The following COL5A3 variants were observed in gnomAD, a reference collection of about 807,000 sequenced individuals.
The protein encoded by COL5A3 is collagen alpha-3(V) chain.
A neutral mutation model predicts 250.0 loss-of-function variants in COL5A3; 172 were observed. The ratio of observed to expected loss-of-function variants is 0.69; its 90% CI spans 0.61 to 0.78. The LOEUF (loss-of-function observed/expected upper bound fraction) is 0.78, where lower values mean the gene tolerates loss of function less well. Among genes scored for constraint, COL5A3 ranks in the 30% least tolerant of loss-of-function variants. The pLI, the probability that COL5A3 is intolerant of heterozygous loss-of-function variation, is 0.00. For synonymous variants in COL5A3, 937 were observed against 900.4 expected (o/e 1.04, Z -0.73); for missense variants, 2,340 against 2,334.4 (o/e 1.00, Z -0.05).
At chr19:9,991,376 G>C (rs748797901) in intron 24 of COL5A3, among the ~76,000 whole-genome samples, 2 of 152,196 alleles carry the variant, frequency 1.3e-5, no homozygotes, top group Admixed American at 6.5e-5. Flanking sequence ...GGCTTCTGTG[G>C]GCTCTCTGTA....
At chr19:9,970,151 T>C (rs1176504408) in intron 54 of COL5A3, among the ~76,000 whole-genome samples, 1 of 27,774 alleles carries the variant, frequency 3.6e-5, no homozygotes, top group Non-Finnish European at 6.4e-5. Context: ...TGTGGGTGAG[T>C]GGGGTCTGTG....
Position 9,959,881 on chromosome 19 carries a change from CAGTCAAGGGA to C in COL5A3, c.*520_*529del, listed in dbSNP as rs928729306. Reference sequence around the variant, plus strand: ...CTGAGGCAGGAAAAGAAACACAACCCAGTCAAGGGAAGTCCCTCTTCCCTCTGTAGTCCGA... The same window carrying C: ...CTGAGGCAGGAAAAGAAACACAACCCAGTCCCTCTTCCCTCTGTAGTCCGA... On this transcript the variant is annotated 3_prime_UTR_variant, in exon 67 of 67. Coordinates refer to ENST00000264828, the MANE Select transcript of COL5A3 (RefSeq NM_015719.4). 4 of 154,638 alleles carry C rather than the reference CAGTCAAGGGA, an allele frequency of 2.6e-5. No homozygotes were observed. Among genetic ancestry groups the C allele is most frequent in the African/African-American group, 7.2e-5 (3 of 41,476 alleles). 9.6% of individuals were successfully genotyped at this position (154,638 alleles called of 1,614,324 possible). A position where few individuals can be genotyped will look rare whatever the true frequency, so the allele number is the denominator to read the frequency against.
At chr19:9,993,865 A>G (rs113042958) in intron 16 of COL5A3, 59 bp from the exon 17 acceptor site, 48 of 1,457,220 alleles carry the variant, frequency 3.3e-5, no homozygotes, top group African/African-American at 3.3e-4. Context: ...CCTCCACCAA[A>G]TTAGGAACCC....
chr19:9,970,761 C>A, intron 53 of COL5A3, 86 bp from the exon 54 acceptor site: 1 of 1,194,446 alleles, frequency 8.4e-7, no homozygotes, highest in South Asian at 2.0e-5. Flanking sequence ...CAGAGGACAC[C>A]CTTCCCCAAG....
In COL5A3 at chr19:10,001,594, TCTC is replaced by T. The variant is rs760441468; in HGVS notation, c.1037_1039del (p.Gly346del). ...GAAGTCAGGGCCCATGGTGGAATCA[TCTC>T]CTTCTTCATCCTCCCTGGCTGCCTT... is the stretch of plus-strand genomic sequence containing the variant. On this transcript the variant is annotated inframe_deletion, in exon 8 of 67. Transcript: ENST00000264828. 1.1e-5 allele frequency: 17 copies of T among 1,614,094 alleles called. No homozygotes were observed. Among genetic ancestry groups the T allele is most frequent in the East Asian group, 4.5e-5 (2 of 44,882 alleles).
intron 41 of COL5A3, among the ~76,000 whole-genome samples, chr19:9,977,947 CATATAT>C (rs372091609): frequency 0.053 from 5,610 of 105,854 alleles, 231 homozygotes; most frequent in East Asian, 0.16. Flanking sequence ...GCAGCCTATA[CATATAT>C]ATATATATAT....
chr19:9,960,734 G>A lies in COL5A3; in HGVS notation c.5008C>T (p.Arg1670Cys), dbSNP rs567204547. The change falls in exon 66 of 67, where the codon CGC (arginine) becomes TGC (cysteine). Residue 1670 changes from arginine (R) to cysteine (C), a missense_variant. This residue lies in a region of COL5A3 where 1,179 missense variants were observed against 1,162.6 expected (regional missense o/e 1.01). Transcript: ENST00000264828. The part of the protein sequence containing the change: ...EATGDYSHSA[R>C]FLGTNGEELS... The stretch of plus-strand genomic sequence containing the variant: ...TCCTCTCCATTGGTGCCAAGGAAGC[G>A]GGCGGAGTGGCTGTAGTCACCCGTG... 5.5e-5 allele frequency: 88 copies of A among 1,613,944 alleles called. 1 individual carries two copies. Among genetic ancestry groups the A allele is most frequent in the South Asian group, 5.1e-4 (46 of 91,086 alleles).
chr19:9,979,002 A>G, intron 39 of COL5A3, 22 bp from the exon 40 acceptor site: 1 of 1,536,814 alleles, frequency 6.5e-7, no homozygotes. Context: ...CAAAGGAGGG[A>G]AGTCAAGCTC....
intron 27 of COL5A3, among the ~76,000 whole-genome samples, chr19:9,988,229 G>T (rs936123594): frequency 1.3e-5 from 2 of 152,114 alleles, no homozygotes; most frequent in African/African-American, 4.8e-5. Context: ...AGCAGAACCA[G>T]GTCTCAAAAA....
chr19:9,998,069 C>G, intron 9 of COL5A3, 33 bp downstream of exon 9: 1 of 1,613,858 alleles, frequency 6.2e-7, no homozygotes, highest in Non-Finnish European at 8.5e-7. Flanking sequence ...CATCATGAAG[C>G]CTCTCAACCC....
chr19:9,964,854 TAAAAAAAAAAAAAAAAAAAA>T (rs57037583), intron 64 of COL5A3, among the ~76,000 whole-genome samples: 2,013 of 48,860 alleles, frequency 0.041, 58 homozygotes, highest in African/African-American at 0.074. Context: ...CCATCTCTAC[TAAAAAAAAAAAAAAAAAAAA>T]AAAAAAAAAA....
At position 9,967,935 on chromosome 19, in the gene COL5A3, G is replaced by A; in HGVS notation, c.4373C>T (p.Pro1458Leu). The change falls in exon 61 of 67, where the codon CCT becomes CTT. Residue 1458 changes from proline (P) to leucine (L), a missense_variant. By Grantham distance (98) the Pro-to-Leu change is moderately conservative. Coordinates refer to ENST00000264828, the MANE Select transcript of COL5A3 (RefSeq NM_015719.4). ...CCCTTTTGAGCCTTTCTGTCCTAGA[G>A]GGCCCTGTAGGGTACAGACAGGGAG... ...GHPGPPGVAG[P>L]LGQKGSKGSP... 1 of 1,613,092 alleles carries A rather than the reference G, an allele frequency of 6.2e-7. No homozygotes were observed. Among genetic ancestry groups the A allele is most frequent in the Non-Finnish European group, 8.5e-7 (1 of 1,179,616 alleles).
At position 9,986,544 on chromosome 19, in the gene COL5A3, T is replaced by G. The variant is rs188998629; in HGVS notation, c.2244+9A>C. ...ACCCACACCACCCCTCATCTGGAGCTGGTCTTACCTGATCACCTTTGAGCC... is the reference window on the plus strand; with the variant it reads ...ACCCACACCACCCCTCATCTGGAGCGGGTCTTACCTGATCACCTTTGAGCC... On this transcript the variant is annotated intron_variant, in intron 29 of 66. Transcript: ENST00000264828. 2 of 1,613,806 alleles carry G rather than the reference T, an allele frequency of 1.2e-6. No homozygotes were observed. Among genetic ancestry groups the G allele is most frequent in the East Asian group, 2.2e-5 (1 of 44,860 alleles).
At position 9,979,192 on chromosome 19, in the gene COL5A3, G is replaced by A. The variant is rs2145090983; in HGVS notation, c.2814C>T (p.Gly938=). 1.2e-6 allele frequency: 2 copies of A among 1,603,734 alleles called. No homozygotes were observed. Among genetic ancestry groups the A allele is most frequent in the Non-Finnish European group, 1.7e-6 (2 of 1,177,126 alleles). Residue 938 remains glycine, a synonymous_variant, in exon 39 of 67, where the codon GGC becomes GGT. Transcript: ENST00000264828. ...CTTGTTCACCAGGAGGTCCAGGGGG[G>A]CCTGGAGGCCCCCTTTCACCTAGAG... ...VGPLGERGPP[G]PPGPPGEQGL... is the part of the protein sequence containing the mutation.
rs201866358 is a variant in COL5A3 at position 9,970,057 on chromosome 19, C to CTG, written c.3937-137_3937-136dup. ...GTGGGGTCTGTGGGGTGAATGAGGTCTGGGTGAGTGGGGGCTGTGGGTGAG... is the reference window on the plus strand; with the variant it reads ...GTGGGGTCTGTGGGGTGAATGAGGTCTGTGGGTGAGTGGGGGCTGTGGGTGAG... On this transcript the variant is annotated intron_variant, in intron 54 of 66. Coordinates refer to ENST00000264828, the MANE Select transcript of COL5A3 (RefSeq NM_015719.4). 4.1e-5 allele frequency: 8 copies of CTG among 196,620 alleles called. No homozygotes were observed. In the African/African-American group the frequency reaches 4.9e-4, roughly 12 times the overall value. 12.2% of individuals were successfully genotyped at this position (196,620 alleles called of 1,614,324 possible).
At chr19:9,978,658 A>G in intron 40 of COL5A3, 31 bp from the exon 41 acceptor site, 4 of 1,468,966 alleles carry the variant, frequency 2.7e-6, no homozygotes, top group Non-Finnish European at 3.7e-6. Flanking sequence ...CAGTTAAGAG[A>G]CTCCCAAAGG....
chr19:10,007,073 C>T (rs1599233611), intron 1 of COL5A3, among the ~76,000 whole-genome samples: 1 of 150,222 alleles, frequency 6.7e-6, no homozygotes, highest in Admixed American at 6.7e-5. Flanking sequence ...TTGACCTCTT[C>T]CTTCTGACTT....
chr19:10,003,579 A>C lies in COL5A3; in HGVS notation c.835T>G (p.Ser279Ala). 6.2e-7 allele frequency: 1 copy of C among 1,614,156 alleles called. No homozygotes were observed. The highest frequency in any genetic ancestry group is 8.5e-7 in the Non-Finnish European group (1 of 1,180,022). The stretch of plus-strand genomic sequence containing the variant: ...AGGGCCCTTACCTGGTTCTCTGCGG[A>C]GTCAGGAGGTGGACTTGAGGTCCAA... ...EIWTSSPPPD[S>A]AENQTSTDIP... is the part of the protein sequence containing the mutation. Residue 279 changes from serine to alanine, a missense_variant, in exon 6 of 67, where the codon TCC becomes GCC. Coordinates refer to ENST00000264828, the MANE Select transcript of COL5A3 (RefSeq NM_015719.4).
At chr19:9,973,453 A>C (rs2145076402) in intron 50 of COL5A3, 117 bp downstream of exon 50, 1 of 1,051,412 alleles carries the variant, frequency 9.5e-7, no homozygotes, top group Non-Finnish European at 1.4e-6. Flanking sequence ...AGGGACGGCC[A>C]CAGGACAGGG....
Sources: allele counts gnomAD v4.1 joint callset (sites outside exome capture counted in the v4.1 genomes callset), GRCh38; gene constraint gnomAD v4.1.1; regional missense constraint gnomAD v4.1.1; transcripts MANE v1.5; gene names NCBI Gene and HGNC (gene_info 2026-07-23, HGNC 2026-07-21).